ANHX: variants seen among roughly 807,000 people sequenced by gnomAD.
ANHX encodes anomalous homeobox protein.
In ANHX, 20 loss-of-function variants were observed where a neutral mutation model predicts 38.9. The ratio of observed to expected loss-of-function variants is 0.51; its 90% confidence interval spans 0.36 to 0.75. The LOEUF (loss-of-function observed/expected upper bound fraction) is 0.75, where lower values mean the gene tolerates loss of function less well. Among genes scored for constraint, ANHX ranks in the 30% least tolerant of loss-of-function variants. The probability of loss-of-function intolerance (pLI) is 0.00; values close to 1 mark genes in which losing one functional copy is unlikely to be tolerated. For missense variants in ANHX, 475 were observed against 493.1 expected, an observed-to-expected ratio of 0.96 and a Z score of 0.35; for synonymous variants, 185 against 203.1, an observed-to-expected ratio of 0.91 and a Z score of 0.76.
chr12:133,226,890 A>G, intron 5 of ANHX, 46 bp downstream of exon 5: 1 of 1,457,910 alleles, frequency 6.9e-7, no homozygotes, highest in African/African-American at 1.4e-5. Flanking sequence ...CTTGTCAGAA[A>G]CCAGCTCCCC....
rs762582937 is a variant in ANHX at position 133,234,036 on chromosome 12, C to G, written c.249+72G>C. The stretch of plus-strand genomic sequence containing the variant: ...TAACTCCTGGGTACTGCTGCAGTGC[C>G]GGAGATGGGTGGAGGCTGCCTAAAG... On this transcript the variant is annotated intron_variant, in intron 2 of 9. Coordinates refer to ENST00000545940, the MANE Select transcript of ANHX (RefSeq NM_001372060.1). The G allele has an allele frequency of 2.7e-6, 4 of 1,492,228 alleles. 1 individual carries two copies. Among genetic ancestry groups the G allele is most frequent in the South Asian group, 1.3e-5 (1 of 76,820 alleles). 92.4% of individuals were successfully genotyped at this position (1,492,228 alleles called of 1,614,324 possible). A position where few individuals can be genotyped will look rare whatever the true frequency, so the allele number is the denominator to read the frequency against.
rs1046701245 is a variant in ANHX at position 133,218,587 on chromosome 12, T to C, written c.*298A>G. 8.3e-6 allele frequency: 2 copies of C among 242,192 alleles called. No individual in the cohort carries two copies. The highest frequency in any genetic ancestry group is 7.9e-5 in the East Asian group (1 of 12,720). The allele number at this position is 242,192 out of a possible 1,614,324, so 15.0% of individuals were successfully genotyped here. A position where few individuals can be genotyped will look rare whatever the true frequency, so the allele number is the denominator to read the frequency against. The stretch of plus-strand genomic sequence containing the variant: ...AACACTCCCCTCTCTAGAATGGCCT[T>C]CTCTGCACGAGTGCCCCGGAGCCCG... On this transcript the variant is annotated 3_prime_UTR_variant, in exon 10 of 10. Transcript: ENST00000545940.
chr12:133,219,343 T>TGGGGCTGGGGCCAGCTCTGG lies in ANHX; in HGVS notation c.1285_1304dup (p.Ser436GlnfsTer19). The TGGGGCTGGGGCCAGCTCTGG allele has an allele frequency of 6.5e-7, 1 of 1,534,132 alleles. No homozygotes were observed. On this transcript the variant is annotated frameshift_variant, in exon 9 of 10. Transcript: ENST00000545940. LOFTEE classifies it high-confidence loss of function. ...CAGACACAGGGCCGGGGAAGGCAGA[T>TGGGGCTGGGGCCAGCTCTGG]GGGGCTGGGGCCAGCTCTGGAGGGC... is the stretch of plus-strand genomic sequence containing the variant.
chr12:133,228,473 C>G (rs918155258), intron 3 of ANHX, among the ~76,000 whole-genome samples: 6 of 152,158 alleles, frequency 3.9e-5, no homozygotes, highest in African/African-American at 2.4e-5. Context: ...TCCTCTGAGG[C>G]TTGCAGCACT....
intron 2 of ANHX, among the ~76,000 whole-genome samples, chr12:133,233,378 A>G (rs1281685530): frequency 6.6e-6 from 1 of 152,214 alleles, no homozygotes; most frequent in Non-Finnish European, 1.5e-5. Context: ...GTAAACTCAC[A>G]ATGAATTATG....
At chr12:133,227,666 GTC>G (rs1297025377) in intron 4 of ANHX, among the ~76,000 whole-genome samples, 156 bp downstream of exon 4, 2 of 152,336 alleles carry the variant, frequency 1.3e-5, no homozygotes, top group Admixed American at 1.3e-4. Flanking sequence ...AGACAGGACA[GTC>G]TGCCAATCAA....
At position 133,229,432 on chromosome 12, in the gene ANHX, C is replaced by T. The variant is rs543698031; in HGVS notation, c.378-1485G>A. Among the ~76,000 whole-genome samples the T allele has an allele frequency of 1.6e-3, 245 of 152,272 alleles. 1 individual carries two copies. Among genetic ancestry groups the T allele is most frequent in the Non-Finnish European group, 3.1e-3 (209 of 68,022 alleles). The stretch of plus-strand genomic sequence containing the variant: ...CCCCCCTCTCCAGACTTTTCCCCAG[C>T]TCCTGTGCATCTCAGTGAAGGAACC... On this transcript the variant is annotated intron_variant, in intron 3 of 9. Transcript: ENST00000545940.
chr12:133,220,716 T>C lies in ANHX; in HGVS notation c.1280+489A>G, dbSNP rs140435456. On this transcript the variant is annotated intron_variant, in intron 8 of 9. Transcript: ENST00000545940. ...ACCCCAGGCCACCCTGCCCCAGTCCTCCATCCCTCCTGTCTCTGCAGGATC... is the reference window on the plus strand; with the variant it reads ...ACCCCAGGCCACCCTGCCCCAGTCCCCCATCCCTCCTGTCTCTGCAGGATC... Among the ~76,000 whole-genome samples, 1,210 of 151,982 alleles carry C rather than the reference T, an allele frequency of 8.0e-3. 13 individuals carry two copies. The highest frequency in any genetic ancestry group is 0.027 in the African/African-American group (1,127 of 41,444).
chr12:133,234,542 T>C (rs1211486549), intron 1 of ANHX, 164 bp from the exon 2 acceptor site: 4 of 729,320 alleles, frequency 5.5e-6, no homozygotes, highest in African/African-American at 3.6e-5. Flanking sequence ...GGCAGCACCA[T>C]AGCATACACC....
At chr12:133,224,105 C>A (rs1848622910) in intron 7 of ANHX, among the ~76,000 whole-genome samples, 1 of 152,010 alleles carries the variant, frequency 6.6e-6, no homozygotes, top group African/African-American at 2.4e-5. Flanking sequence ...TTCAGGACAC[C>A]CTGGAGTAAA....
At position 133,234,372 on chromosome 12, in the gene ANHX, G is replaced by C; in HGVS notation, c.-16C>G. The C allele has an allele frequency of 6.5e-7, 1 of 1,527,128 alleles. No individual in the cohort carries two copies. The highest frequency in any genetic ancestry group is 8.8e-7 in the Non-Finnish European group (1 of 1,140,050). The allele number at this position is 1,527,128 out of a possible 1,614,324, so 94.6% of individuals were successfully genotyped here. On this transcript the variant is annotated 5_prime_UTR_variant, in exon 2 of 10. Transcript: ENST00000545940. ...AGCTCTGCATCCTGTGCTGGGTCGT[G>C]GCCACTCTGCCAACACAAACAGTCA... is the stretch of plus-strand genomic sequence containing the variant.
Position 133,226,377 on chromosome 12 carries a change from T to C in ANHX, c.780A>G (p.Pro260=), listed in dbSNP as rs1337874576. ...SPQTTQGPWE[P]LALAPDFPAD... is the part of the protein sequence containing the mutation. Reference sequence around the variant, plus strand: ...CGGGAAAGTCCGGGGCTAAGGCCAGTGGCTCCCATGGTCCTTGGGTGGTCT... The same window carrying C: ...CGGGAAAGTCCGGGGCTAAGGCCAGCGGCTCCCATGGTCCTTGGGTGGTCT... The change falls in exon 6 of 10, where the codon CCA becomes CCG. Residue 260 remains proline (P), a synonymous_variant. Transcript: ENST00000545940. 1.3e-6 allele frequency: 2 copies of C among 1,536,256 alleles called. No homozygotes were observed. The highest frequency in any genetic ancestry group is 3.9e-5 in the Admixed American group (2 of 51,008).
rs993270091 is a variant in ANHX, at chr12:133,225,749, C to T, written c.919G>A (p.Gly307Ser). Among the ~76,000 whole-genome samples, 1 of 152,170 alleles carries T rather than the reference C, an allele frequency of 6.6e-6. No homozygotes were observed. Among genetic ancestry groups the T allele is most frequent in the African/African-American group, 2.4e-5 (1 of 41,436 alleles). The stretch of plus-strand genomic sequence containing the variant: ...TTGCCAGCAGCCAGAGGGCAGAGGC[C>T]AGGGCCAGGGCAGAAGAGGGGGAGG... ...ATLPLFCPGP[G>S]LCPLAAGNDM... Residue 307 changes from glycine (G) to serine (S), a missense_variant, in exon 7 of 10, where the codon GGC becomes AGC. Gly to Ser is a moderately conservative substitution (Grantham distance 56). Coordinates refer to ENST00000545940, the MANE Select transcript of ANHX (RefSeq NM_001372060.1).
Position 133,234,092 on chromosome 12 carries a change from T to C in ANHX, c.249+16A>G. ...GCTACCTCTCTCTGTACCCTACCCC[T>C]GTAGCCCAGGCCTACCTCCAGGAGG... On this transcript the variant is annotated intron_variant, in intron 2 of 9. Transcript: ENST00000545940. 1 of 1,534,686 alleles carries C rather than the reference T, an allele frequency of 6.5e-7. No homozygotes were observed. The highest frequency in any genetic ancestry group is 1.2e-5 in the South Asian group (1 of 83,952).
intron 7 of ANHX, among the ~76,000 whole-genome samples, chr12:133,225,312 C>CAT (rs202089023): frequency 7.0e-6 from 1 of 143,368 alleles, no homozygotes; most frequent in Non-Finnish European, 1.5e-5. Flanking sequence ...GATATGCATA[C>CAT]ATACACACAC....
intron 7 of ANHX, among the ~76,000 whole-genome samples, chr12:133,224,536 G>A (rs1214060236): frequency 6.6e-6 from 1 of 151,700 alleles, no homozygotes; most frequent in Non-Finnish European, 1.5e-5. Context: ...GGTGGCAGGT[G>A]CCTGTAGTTC....
In ANHX at chr12:133,219,415, G is replaced by A. The variant is rs1957078348; in HGVS notation, c.1281-48C>T. On this transcript the variant is annotated intron_variant, in intron 8 of 9. Transcript: ENST00000545940. ...ATAGGCCCTATCTCAAGGGGACACT[G>A]GGGTGACAAAATCCACCCAGCTGTG... 3.8e-6 allele frequency: 5 copies of A among 1,330,342 alleles called. No individual in the cohort carries two copies. The East Asian group carries it at 1.3e-4, about 34-fold the overall frequency. The allele number at this position is 1,330,342 out of a possible 1,614,324, so 82.4% of individuals were successfully genotyped here. A position where few individuals can be genotyped will look rare whatever the true frequency, so the allele number is the denominator to read the frequency against.
chr12:133,221,273 C>T lies in ANHX; in HGVS notation c.1212G>A (p.Glu404=). The T allele has an allele frequency of 6.5e-7, 1 of 1,536,074 alleles. No individual in the cohort carries two copies. Among genetic ancestry groups the T allele is most frequent in the Non-Finnish European group, 8.7e-7 (1 of 1,146,894 alleles). ...TCACCAGGAAGCTGCCCACCCGTAG[C>T]TCTGTCCGTCCACTGCTTGTGCCCA... ...EGLGTSSGRT[E]LRVGSFLVTQ... is the part of the protein sequence containing the mutation. The change falls in exon 8 of 10, where the codon GAG becomes GAA. Residue 404 remains glutamate (E), a synonymous_variant. Coordinates refer to ENST00000545940, the MANE Select transcript of ANHX (RefSeq NM_001372060.1). The surrounding 1 kb of genome is among the most constrained non-coding windows in gnomAD (Gnocchi z 4.1).
chr12:133,227,893 G>A lies in ANHX; in HGVS notation c.432C>T (p.Pro144=), dbSNP rs755353117. 1.1e-4 allele frequency: 159 copies of A among 1,513,128 alleles called. No individual in the cohort carries two copies. The African/African-American group carries it at 2.1e-3, about 20-fold the overall frequency. 93.7% of individuals were successfully genotyped at this position (1,513,128 alleles called of 1,614,324 possible). The change falls in exon 4 of 10, where the codon CCC becomes CCT. Residue 144 remains proline (P), a synonymous_variant. Coordinates refer to ENST00000545940, the MANE Select transcript of ANHX (RefSeq NM_001372060.1). The part of the protein sequence containing the change: ...CPEGLKSRNF[P]REVREKLHNF... Reference sequence around the variant, plus strand: ...TGTGCAGCTTCTCACGAACCTCTCTGGGGAAGTTCCGGCTCTTCAGCCCCT... The same window carrying A: ...TGTGCAGCTTCTCACGAACCTCTCTAGGGAAGTTCCGGCTCTTCAGCCCCT...
Sources: gnomAD v4.1 joint callset for allele counts (sites outside exome capture counted in the v4.1 genomes callset) on GRCh38, gnomAD v4.1.1 for gene constraint, Gnocchi (gnomAD v3.1) non-coding constraint, MANE v1.5 for transcripts, NCBI Gene and HGNC (gene_info 2026-07-23, HGNC 2026-07-21) for gene names.